Variants in EEF1G observed in about 807,000 individuals in gnomAD.
EEF1G encodes elongation factor 1-gamma.
Under a neutral mutation model 58.3 loss-of-function variants are expected in EEF1G, and 14 were observed. The ratio of observed to expected loss-of-function variants is 0.24; its 90% CI spans 0.16 to 0.38. The LOEUF is 0.38. Among genes scored for constraint, EEF1G ranks in the 10% least tolerant of loss-of-function variants. The probability of loss-of-function intolerance (pLI) is 1.00; values close to 1 mark genes in which losing one functional copy is unlikely to be tolerated. For missense variants in EEF1G, 322 were observed against 550.1 expected (o/e 0.59, Z 4.15); for synonymous variants, 180 against 206.8 (o/e 0.87, Z 1.11).
chr11:62,561,841 T>C (rs1203119983), intron 7 of EEF1G, among the ~76,000 whole-genome samples: 1 of 152,170 alleles, frequency 6.6e-6, no homozygotes, highest in Non-Finnish European at 1.5e-5. Flanking sequence ...ACTCTCTCTC[T>C]AGCTGGGAAA....
intron 5 of EEF1G, 59 bp downstream of exon 5, chr11:62,570,906 G>A (rs879036731): frequency 1.4e-5 from 23 of 1,607,736 alleles, no homozygotes; most frequent in African/African-American, 2.7e-5. Flanking sequence ...TAGATACCTC[G>A]TCACTTTGTT....
At chr11:62,561,443 G>A (rs1941492732) in intron 7 of EEF1G, among the ~76,000 whole-genome samples, 1 of 150,842 alleles carries the variant, frequency 6.6e-6, no homozygotes, top group Admixed American at 6.6e-5. Context: ...GGGAGGCCGA[G>A]GCGGGCGGAT....
chr11:62,560,570 G>A, intron 7 of EEF1G, 116 bp from the exon 8 acceptor site: 1 of 1,163,772 alleles, frequency 8.6e-7, no homozygotes, highest in East Asian at 2.5e-5. Flanking sequence ...TCATTGTGCT[G>A]GCAGATGTGT....
chr11:62,570,821 G>T, intron 5 of EEF1G, 144 bp downstream of exon 5: 1 of 1,133,554 alleles, frequency 8.8e-7, no homozygotes, highest in Non-Finnish European at 1.3e-6. Context: ...CCCCCAGTGT[G>T]CTCGGATTAC....
intron 7 of EEF1G, among the ~76,000 whole-genome samples, chr11:62,564,099 A>G (rs775899888): frequency 6.6e-6 from 1 of 152,218 alleles, no homozygotes; most frequent in Non-Finnish European, 1.5e-5. Flanking sequence ...GCTGGGTCTT[A>G]AAAGAACTAG....
At position 62,560,014 on chromosome 11, in the gene EEF1G, GC is replaced by G. The variant is rs1290814595; in HGVS notation, c.1155+54del. On this transcript the variant is annotated intron_variant, in intron 9 of 9. Coordinates refer to ENST00000329251, the MANE Select transcript of EEF1G (RefSeq NM_001404.5). The stretch of plus-strand genomic sequence containing the variant: ...CATCAACTCAGAAATAAAACACAGT[GC>G]TTCTTATATCCCTGCCCCACCCTAA... 8.7e-6 allele frequency: 14 copies of G among 1,611,358 alleles called. No individual in the cohort carries two copies. The Admixed American group carries it at 2.2e-4, about 25-fold the overall frequency.
At chr11:62,573,588 G>A (rs1941664524) in intron 1 of EEF1G, 1 of 603,896 alleles carries the variant, frequency 1.7e-6, no homozygotes, top group South Asian at 2.0e-5. Context: ...TCAGGCTTCG[G>A]ACGGCCCAGA....
intron 7 of EEF1G, among the ~76,000 whole-genome samples, chr11:62,562,646 A>C (rs1009019478): frequency 1.3e-5 from 2 of 151,778 alleles, no homozygotes; most frequent in African/African-American, 2.4e-5. Context: ...ACGCCCAGCT[A>C]ATTTTTGTAT....
At chr11:62,559,918 A>G (rs1590705921) in intron 9 of EEF1G, 81 bp from the exon 10 acceptor site, 4 of 1,609,630 alleles carry the variant, frequency 2.5e-6, no homozygotes, top group Non-Finnish European at 2.6e-6. Flanking sequence ...AACACATGTC[A>G]TCAGACCCCA....
chr11:62,566,738 G>C (rs909517748), intron 7 of EEF1G, 68 bp downstream of exon 7: 1 of 1,427,638 alleles, frequency 7.0e-7, no homozygotes, highest in Non-Finnish European at 9.7e-7. Context: ...CTGTGTGTGA[G>C]GGGGGACATA....
chr11:62,567,798 G>C (rs1389251888), intron 5 of EEF1G, among the ~76,000 whole-genome samples: 1 of 150,990 alleles, frequency 6.6e-6, no homozygotes, highest in East Asian at 2.0e-4. Flanking sequence ...TCCATCTCCT[G>C]GGTTCAAGTG....
In EEF1G at chr11:62,566,797, T is replaced by C. The variant is rs371535693; in HGVS notation, c.857+9A>G. The C allele has an allele frequency of 2.3e-4, 373 of 1,613,574 alleles. 5 individuals are homozygous for C. In the South Asian group the frequency reaches 3.8e-3, roughly 17 times the overall value. On this transcript the variant is annotated intron_variant, in intron 7 of 9. Coordinates refer to ENST00000329251, the MANE Select transcript of EEF1G (RefSeq NM_001404.5). ...TGGTCCCACACCCTCCACCCTCCAATATCCTTACCTCTTGGGCAGGTGAGC... is the reference window on the plus strand; with the variant it reads ...TGGTCCCACACCCTCCACCCTCCAACATCCTTACCTCTTGGGCAGGTGAGC...
chr11:62,571,447 A>T, intron 4 of EEF1G, 93 bp downstream of exon 4: 2 of 1,470,478 alleles, frequency 1.4e-6, no homozygotes, highest in Non-Finnish European at 1.8e-6. Flanking sequence ...TATCCTTGGC[A>T]TCTTTTTTTC....
intron 7 of EEF1G, among the ~76,000 whole-genome samples, chr11:62,561,835 T>C (rs1941500570): frequency 6.6e-6 from 1 of 152,076 alleles, no homozygotes; most frequent in Admixed American, 6.6e-5. Flanking sequence ...AATAAGACTC[T>C]CTCTCTAGCT....
intron 7 of EEF1G, among the ~76,000 whole-genome samples, chr11:62,564,022 C>G (rs1941528585): frequency 6.6e-6 from 1 of 152,040 alleles, no homozygotes. Context: ...GCAGCCTCAA[C>G]CTGCTGGACT....
At chr11:62,567,147 A>G in intron 6 of EEF1G, 137 bp from the exon 7 acceptor site, 1 of 998,154 alleles carries the variant, frequency 1.0e-6, no homozygotes, top group Non-Finnish European at 1.5e-6. Flanking sequence ...CAGACTGCTC[A>G]TCAGTTCACT....
intron 7 of EEF1G, among the ~76,000 whole-genome samples, chr11:62,561,760 TCTAA>T (rs554456317): frequency 4.7e-4 from 72 of 152,114 alleles, no homozygotes; most frequent in African/African-American, 1.6e-3. Context: ...TTGTTTTTAC[TCTAA>T]CTCACTACTT....
rs763167508 is a variant in EEF1G at position 62,560,119 on chromosome 11, T to C, written c.1105A>G (p.Ser369Gly). The change falls in exon 9 of 10, where the codon AGC becomes GGC. Residue 369 changes from serine (S) to glycine (G), a missense_variant. Physicochemically the swap from Ser to Gly is moderately conservative, Grantham distance 56. Coordinates refer to ENST00000329251, the MANE Select transcript of EEF1G (RefSeq NM_001404.5). Reference sequence around the variant, plus strand: ...AAGACCCAGACTCCAGAAATGGAGCTGCTATTGTTGGTTCCAAAAAGGATG... The same window carrying C: ...AAGACCCAGACTCCAGAAATGGAGCCGCTATTGTTGGTTCCAAAAAGGATG... Reference protein sequence around the residue: ...SVILFGTNNSSSISGVWVFRG... With the variant: ...SVILFGTNNSGSISGVWVFRG... 3.7e-6 allele frequency: 6 copies of C among 1,614,058 alleles called. No homozygotes were observed. In the Admixed American group the frequency reaches 1.0e-4, roughly 27 times the overall value.
chr11:62,560,267 G>GAT lies in EEF1G; in HGVS notation c.1030+14_1030+15insAT. 1 of 1,613,824 alleles carries GAT rather than the reference G, an allele frequency of 6.2e-7. No homozygotes were observed. The highest frequency in any genetic ancestry group is 8.5e-7 in the Non-Finnish European group (1 of 1,179,844). On this transcript the variant is annotated intron_variant, in intron 8 of 9. Transcript: ENST00000329251. ...TACACCTTGTTCTCCTTCCTTCTCA[G>GAT]ACCCACTCTCTTACCAGTGATGAGA...
Sources: gnomAD v4.1 joint callset for allele counts (sites outside exome capture counted in the v4.1 genomes callset) on GRCh38, gnomAD v4.1.1 for gene constraint, MANE v1.5 for transcripts, NCBI Gene and HGNC (gene_info 2026-07-23, HGNC 2026-07-21) for gene names.